Variants in ERC2 observed in about 807,000 individuals in gnomAD.
ERC2 encodes ERC protein 2.
ERC2 carries 42 observed loss-of-function variants against 114.8 expected under a neutral mutation model. That is an observed-to-expected ratio of 0.37 (90% CI 0.29 to 0.47). The LOEUF (loss-of-function observed/expected upper bound fraction) is 0.47. Among genes scored for constraint, ERC2 ranks in the 20% least tolerant of loss-of-function variants. The pLI, the probability that ERC2 is intolerant of heterozygous loss-of-function variation, is 0.99. For synonymous variants in ERC2, 454 were observed against 425.5 expected (o/e 1.07, Z -0.82); for missense variants, 939 against 1,150.7 (o/e 0.82, Z 2.66).
At chr3:56,321,368 T>C (rs984421531) in intron 2 of ERC2, among the ~76,000 whole-genome samples, 10 of 151,946 alleles carry the variant, frequency 6.6e-5, no homozygotes, top group South Asian at 2.1e-4. Context: ...AAAGAGGAGA[T>C]AGACATGGAA....
At chr3:55,626,725 G>A (rs1168401859) in intron 17 of ERC2, among the ~76,000 whole-genome samples, 1 of 152,202 alleles carries the variant, frequency 6.6e-6, no homozygotes, top group African/African-American at 2.4e-5. Context: ...AAAAGGAAAT[G>A]ACTTTACCCA....
intron 2 of ERC2, among the ~76,000 whole-genome samples, chr3:56,433,609 C>G (rs1021223893): frequency 4.6e-5 from 7 of 152,228 alleles, no homozygotes; most frequent in African/African-American, 1.7e-4. Flanking sequence ...AGAAGGTAGA[C>G]TTTATTCTGG....
chr3:56,228,575 T>C (rs1020857188), intron 3 of ERC2, among the ~76,000 whole-genome samples: 4 of 152,234 alleles, frequency 2.6e-5, no homozygotes, highest in East Asian at 3.8e-4. Context: ...TTTATGTCTA[T>C]ATCACCTTTT....
intron 3 of ERC2, among the ~76,000 whole-genome samples, chr3:56,289,701 C>G (rs1343058059): frequency 6.6e-6 from 1 of 152,220 alleles, no homozygotes; most frequent in Admixed American, 6.5e-5. Flanking sequence ...AAAATTCCTC[C>G]TGCCTTGAAG....
intron 14 of ERC2, among the ~76,000 whole-genome samples, chr3:55,749,000 C>T (rs973931743): frequency 2.6e-5 from 4 of 152,148 alleles, no homozygotes; most frequent in Admixed American, 2.6e-4. Context: ...AATTTTATAT[C>T]CTCAGAGATG....
intron 13 of ERC2, among the ~76,000 whole-genome samples, chr3:55,927,515 A>G (rs967431720): frequency 2.0e-5 from 3 of 152,178 alleles, no homozygotes; most frequent in Non-Finnish European, 4.4e-5. Context: ...ATATTTTGAT[A>G]TAGGCACACA....
rs372923780 is a variant in ERC2 at position 56,053,036 on chromosome 3, C to A, written c.1641+27781G>T. Among the ~76,000 whole-genome samples the A allele has an allele frequency of 8.5e-5, 13 of 152,264 alleles. No homozygotes were observed. The East Asian group carries it at 1.5e-3, about 18-fold the overall frequency. On this transcript the variant is annotated intron_variant, in intron 7 of 17. Transcript: ENST00000288221. ...CTGAACACATGGCAAGCTGCTGAAA[C>A]AAGCAGGCAAAGTGACTGATGAAAA...
intron 2 of ERC2, among the ~76,000 whole-genome samples, chr3:56,322,031 A>G (rs1411179315): frequency 6.6e-6 from 1 of 152,218 alleles, no homozygotes; most frequent in Admixed American, 6.5e-5. Flanking sequence ...GCAGGCCTGG[A>G]ATCACACAAG....
intron 2 of ERC2, among the ~76,000 whole-genome samples, chr3:56,406,079 G>T (rs1202912067): frequency 6.6e-6 from 1 of 151,888 alleles, no homozygotes; most frequent in Non-Finnish European, 1.5e-5. Context: ...TTTCAGTAGA[G>T]ACGTGGTTGT....
At chr3:56,025,657 C>T (rs766188283) in intron 7 of ERC2, among the ~76,000 whole-genome samples, 3 of 152,178 alleles carry the variant, frequency 2.0e-5, no homozygotes, top group Non-Finnish European at 4.4e-5. Context: ...AGATTTACTG[C>T]GCTCATGTGA....
chr3:56,095,149 G>T (rs1163906086), intron 6 of ERC2, among the ~76,000 whole-genome samples: 2 of 152,164 alleles, frequency 1.3e-5, no homozygotes, highest in East Asian at 3.8e-4. Context: ...CAACTACTTG[G>T]GAGGCTGAGG....
chr3:56,143,784 A>AT (rs1372326682), intron 5 of ERC2, among the ~76,000 whole-genome samples: 3 of 152,228 alleles, frequency 2.0e-5, no homozygotes, highest in Non-Finnish European at 2.9e-5. Flanking sequence ...TCAAGAGCTC[A>AT]TAAGTACATT....
At chr3:56,018,019 GA>G (rs2073427540) in intron 8 of ERC2, among the ~76,000 whole-genome samples, 2 of 152,226 alleles carry the variant, frequency 1.3e-5, no homozygotes, top group South Asian at 4.2e-4. Context: ...ACAGATAAAT[GA>G]ACAATTAAGA....
At chr3:55,711,287 A>G (rs1162841935) in intron 15 of ERC2, among the ~76,000 whole-genome samples, 1 of 152,190 alleles carries the variant, frequency 6.6e-6, no homozygotes, top group African/African-American at 2.4e-5. Context: ...TAAATCATAC[A>G]TGCTAGTTAT....
chr3:55,537,006 A>G (rs1307993284), intron 17 of ERC2, among the ~76,000 whole-genome samples: 2 of 152,224 alleles, frequency 1.3e-5, no homozygotes, highest in Non-Finnish European at 2.9e-5. Context: ...AGCGTCTAGA[A>G]TATCAAAAGG....
chr3:55,549,036 T>A (rs777495097), intron 17 of ERC2, among the ~76,000 whole-genome samples: 1 of 152,174 alleles, frequency 6.6e-6, no homozygotes, highest in Non-Finnish European at 1.5e-5. Context: ...ACAAAATGCA[T>A]CTGTTGATCT....
chr3:56,024,966 A>G (rs2073952614), intron 7 of ERC2, among the ~76,000 whole-genome samples: 1 of 152,232 alleles, frequency 6.6e-6, no homozygotes, highest in Non-Finnish European at 1.5e-5. Context: ...TGGACCTGTC[A>G]TCATGAGCAA....
chr3:55,900,674 TCCCTATATGTCACCTTGCTCTTTTAAG>T (rs1307701620), intron 13 of ERC2, among the ~76,000 whole-genome samples: 1 of 152,196 alleles, frequency 6.6e-6, no homozygotes, highest in Non-Finnish European at 1.5e-5. Flanking sequence ...GGGAGTGGCT[TCCCTATATGTCACCTTGCTCTTTTAAG>T]CACACAGAGT....
At chr3:55,783,957 T>C (rs1390198) in intron 14 of ERC2, among the ~76,000 whole-genome samples, 11,549 of 152,280 alleles carry the variant, frequency 0.076, 752 homozygotes, top group African/African-American at 0.18. Context: ...CAGATTAATG[T>C]TTTTAAATAT....
Sources: allele counts gnomAD v4.1 joint callset (sites outside exome capture counted in the v4.1 genomes callset), GRCh38; gene constraint gnomAD v4.1.1; transcripts MANE v1.5; gene names NCBI Gene and HGNC (gene_info 2026-07-23, HGNC 2026-07-21).